TP63: variants seen among roughly 807,000 people sequenced by gnomAD.
TP63 encodes the protein tumor protein p63.
In TP63, 17 loss-of-function variants were observed where a neutral mutation model predicts 82.8. The ratio of observed to expected loss-of-function variants is 0.21; its 90% CI spans 0.14 to 0.31. The LOEUF (loss-of-function observed/expected upper bound fraction) is 0.31, where lower values mean the gene tolerates loss of function less well. TP63 is among the 10% of genes least tolerant of loss of function. TP63 has a pLI of 1.00. For missense variants in TP63, 648 were observed against 895.3 expected (o/e 0.72, Z 3.52); for synonymous variants, 330 against 321.7 (o/e 1.03, Z -0.28).
chr3:189,761,035 G>A (rs147249428), intron 3 of TP63, among the ~76,000 whole-genome samples: 1,548 of 152,278 alleles, frequency 0.01, 29 homozygotes, highest in African/African-American at 0.036. Context: ...GCTGCACACA[G>A]CACAGATACC....
At chr3:189,888,236 G>C (rs1174772886) in intron 11 of TP63, among the ~76,000 whole-genome samples, 1 of 152,146 alleles carries the variant, frequency 6.6e-6, no homozygotes, top group African/African-American at 2.4e-5. Flanking sequence ...ACTTTAGAGT[G>C]AGATCACTCT....
intron 4 of TP63, among the ~76,000 whole-genome samples, chr3:189,826,420 A>G (rs145512737): frequency 6.6e-6 from 1 of 152,326 alleles, no homozygotes; most frequent in Non-Finnish European, 1.5e-5. Context: ...CTAGGAAGGG[A>G]TACTGTGTAT....
intron 3 of TP63, among the ~76,000 whole-genome samples, chr3:189,803,089 G>A (rs141842593): frequency 1.6e-4 from 25 of 152,184 alleles, no homozygotes; most frequent in African/African-American, 4.8e-4. Flanking sequence ...ACCTGAGGTC[G>A]GGAGTTTGAG....
At position 189,718,373 on chromosome 3, in the gene TP63, A is replaced by G. The variant is rs371019274; in HGVS notation, c.63-19367A>G. Among the ~76,000 whole-genome samples the G allele has an allele frequency of 3.6e-4, 55 of 151,804 alleles. No individual in the cohort carries two copies. The South Asian group carries it at 0.011, about 30-fold the overall frequency. On this transcript the variant is annotated intron_variant, in intron 1 of 13. Coordinates refer to ENST00000264731, the MANE Select transcript of TP63 (RefSeq NM_003722.5). ...GACAGAGTTTCACAAGACTGGGAAG[A>G]CCTCAGGAAACTGACAACCATGACA... is the stretch of plus-strand genomic sequence containing the variant.
At chr3:189,830,241 C>T (rs1712112315) in intron 4 of TP63, among the ~76,000 whole-genome samples, 1 of 152,050 alleles carries the variant, frequency 6.6e-6, no homozygotes, top group Non-Finnish European at 1.5e-5. Flanking sequence ...CAGGAGCTAC[C>T]GTTGTAACAG....
rs1463260656 is a variant in TP63 at position 189,645,794 on chromosome 3, T to C, written c.62+14217T>C. Among the ~76,000 whole-genome samples the C allele has an allele frequency of 1.4e-5, 2 of 146,868 alleles. 1 individual carries two copies. Among genetic ancestry groups the C allele is most frequent in the African/African-American group, 5.1e-5 (2 of 39,124 alleles). On this transcript the variant is annotated intron_variant, in intron 1 of 13. Coordinates refer to ENST00000264731, the MANE Select transcript of TP63 (RefSeq NM_003722.5). ...CCTTGTGATAGTTTGCTCAGAATGATGGTTTCCAGCTTCATCCATGTCCCT... is the reference window on the plus strand; with the variant it reads ...CCTTGTGATAGTTTGCTCAGAATGACGGTTTCCAGCTTCATCCATGTCCCT...
chr3:189,662,594 A>G (rs1025371666), intron 1 of TP63, among the ~76,000 whole-genome samples: 19 of 152,172 alleles, frequency 1.2e-4, no homozygotes, highest in Middle Eastern at 3.4e-3. Flanking sequence ...TCTAGTGTTT[A>G]TGTTCTTCAT....
intron 4 of TP63, among the ~76,000 whole-genome samples, chr3:189,845,901 C>G (rs1410577043): frequency 6.6e-6 from 1 of 151,442 alleles, no homozygotes; most frequent in East Asian, 1.9e-4. Context: ...GATGAAAGAG[C>G]TAAAGTTCTT....
intron 1 of TP63, chr3:189,645,191 A>C (rs149812937): frequency 0.011 from 2,463 of 230,966 alleles, 46 homozygotes; most frequent in African/African-American, 0.052. Context: ...GACTTCAATT[A>C]TTCCATGTAG....
chr3:189,769,344 T>C (rs1723171412), intron 3 of TP63, among the ~76,000 whole-genome samples: 1 of 152,198 alleles, frequency 6.6e-6, no homozygotes, highest in Non-Finnish European at 1.5e-5. Context: ...TTTTATCTCA[T>C]TAAATGTTAT....
At chr3:189,789,773 A>G in intron 3 of TP63, 2 of 1,585,456 alleles carry the variant, frequency 1.3e-6, no homozygotes, top group Non-Finnish European at 1.7e-6. Context: ...AAGAAAGGAC[A>G]GCAGCATTGA....
intron 1 of TP63, among the ~76,000 whole-genome samples, chr3:189,668,010 A>G (rs571275851): frequency 6.6e-6 from 1 of 152,270 alleles, no homozygotes; most frequent in South Asian, 2.1e-4. Context: ...TAAGGCCTAT[A>G]CAACACCTCC....
intron 3 of TP63, among the ~76,000 whole-genome samples, chr3:189,783,347 A>G (rs1724368604): frequency 6.6e-6 from 1 of 151,964 alleles, no homozygotes; most frequent in Admixed American, 6.6e-5. Context: ...CTTGTGTGTA[A>G]TATGTATCTC....
At position 189,894,723 on chromosome 3, in the gene TP63, G is replaced by A. The variant is rs886058224; in HGVS notation, c.*221G>A. 1.5e-5 allele frequency: 9 copies of A among 588,692 alleles called. No individual in the cohort carries two copies. The highest frequency in any genetic ancestry group is 2.4e-5 in the Non-Finnish European group (8 of 337,354). 36.5% of individuals were successfully genotyped at this position (588,692 alleles called of 1,614,324 possible). ...CAAAACTATAGCTTGCAGAACTGTA[G>A]CTGCCATGGCTAGGTAGAAGTGAGC... On this transcript the variant is annotated 3_prime_UTR_variant, in exon 14 of 14. Transcript: ENST00000264731.
chr3:189,620,219 A>T, the TP63 span, among the ~76,000 whole-genome samples: 1 of 148,062 alleles, frequency 6.8e-6, no homozygotes, highest in Non-Finnish European at 1.5e-5. Context: ...AAAAATACAA[A>T]ACTTAGCTGA....
chr3:189,777,462 G>T (rs1723888804), intron 3 of TP63, among the ~76,000 whole-genome samples: 1 of 152,146 alleles, frequency 6.6e-6, no homozygotes, highest in South Asian at 2.1e-4. Flanking sequence ...CTCCCAAAAT[G>T]CTGGGATTAC....
intron 1 of TP63, among the ~76,000 whole-genome samples, chr3:189,682,406 A>G (rs1281318743): frequency 6.7e-6 from 1 of 148,842 alleles, no homozygotes; most frequent in Non-Finnish European, 1.5e-5. Flanking sequence ...GGAGGGGGGT[A>G]CCTTTCTTAC....
chr3:189,785,990 T>C (rs1367181126), intron 3 of TP63, among the ~76,000 whole-genome samples: 1 of 151,850 alleles, frequency 6.6e-6, no homozygotes, highest in Non-Finnish European at 1.5e-5. Flanking sequence ...CAACCATGGA[T>C]CATAAATATT....
intron 13 of TP63, among the ~76,000 whole-genome samples, chr3:189,893,900 A>G (rs1721262067): frequency 6.6e-6 from 1 of 152,036 alleles, no homozygotes; most frequent in South Asian, 2.1e-4. Flanking sequence ...TAGGTACCTC[A>G]TGTTTCTATT....
Sources: allele counts gnomAD v4.1 joint callset (sites outside exome capture counted in the v4.1 genomes callset), GRCh38; gene constraint gnomAD v4.1.1; transcripts MANE v1.5; gene names NCBI Gene and HGNC (gene_info 2026-07-23, HGNC 2026-07-21).